CSNK2A2IP: variants seen among roughly 807,000 people sequenced by gnomAD.
CSNK2A2IP encodes the protein casein kinase 2 subunit alpha' interacting protein.
chr3:88,465,503 A>G, the CSNK2A2IP span: 17 of 1,231,760 alleles, frequency 1.4e-5, no homozygotes, highest in Non-Finnish European at 1.7e-5. Context: ...GTGCAATCCC[A>G]TAGCAATCAC....
At chr3:88,417,857 C>T in the CSNK2A2IP span, among the ~76,000 whole-genome samples, 6 of 152,120 alleles carry the variant, frequency 3.9e-5, no homozygotes, top group East Asian at 1.2e-3. Context: ...ACTTGAATTG[C>T]CTGTGACAAT....
the CSNK2A2IP span, among the ~76,000 whole-genome samples, chr3:88,357,349 T>A: frequency 3.3e-5 from 5 of 152,306 alleles, no homozygotes; most frequent in East Asian, 9.7e-4. Flanking sequence ...GCAGTGTATG[T>A]TCTTGGCACT....
the CSNK2A2IP span, chr3:88,467,415 T>A: frequency 2.5e-6 from 1 of 398,708 alleles, no homozygotes; most frequent in Non-Finnish European, 4.4e-6. Flanking sequence ...GGCTTGAGTT[T>A]ATATATAGCA....
the CSNK2A2IP span, among the ~76,000 whole-genome samples, chr3:88,460,675 C>A: frequency 6.6e-6 from 1 of 152,188 alleles, no homozygotes. Flanking sequence ...TCCATGCAAT[C>A]TTCATCCAGA....
At chr3:88,447,053 G>T in the CSNK2A2IP span, among the ~76,000 whole-genome samples, 1 of 152,112 alleles carries the variant, frequency 6.6e-6, no homozygotes, top group Non-Finnish European at 1.5e-5. Context: ...CAGGCATGAT[G>T]AATTATTTTG....
the CSNK2A2IP span, among the ~76,000 whole-genome samples, chr3:88,367,874 T>G: frequency 6.6e-6 from 1 of 152,028 alleles, no homozygotes; most frequent in Non-Finnish European, 1.5e-5. Flanking sequence ...GTTAAGGGGA[T>G]AGTATTTGGT....
At chr3:88,354,558 A>G in the CSNK2A2IP span, among the ~76,000 whole-genome samples, 2 of 152,176 alleles carry the variant, frequency 1.3e-5, no homozygotes, top group Non-Finnish European at 2.9e-5. Flanking sequence ...TATGCATAGT[A>G]CACAGGTGAG....
chr3:88,459,315 A>G, the CSNK2A2IP span, among the ~76,000 whole-genome samples: 1 of 152,138 alleles, frequency 6.6e-6, no homozygotes, highest in Non-Finnish European at 1.5e-5. Flanking sequence ...ATAATTATAT[A>G]TGAAGTATCC....
the CSNK2A2IP span, among the ~76,000 whole-genome samples, chr3:88,364,205 C>G: frequency 6.6e-6 from 1 of 152,132 alleles, no homozygotes; most frequent in Admixed American, 6.5e-5. Flanking sequence ...TGTCTCCCAT[C>G]TCTCGGGGAT....
At chr3:88,343,612 A>G in the CSNK2A2IP span, among the ~76,000 whole-genome samples, 5 of 151,972 alleles carry the variant, frequency 3.3e-5, no homozygotes, top group African/African-American at 1.2e-4. Flanking sequence ...TGATAATAAA[A>G]TATAAATTAT....
the CSNK2A2IP span, among the ~76,000 whole-genome samples, chr3:88,443,687 A>G: frequency 2.0e-5 from 3 of 152,212 alleles, no homozygotes; most frequent in African/African-American, 7.2e-5. Context: ...CAGTGGGTGT[A>G]GACTGCAGGG....
the CSNK2A2IP span, among the ~76,000 whole-genome samples, chr3:88,384,301 TG>T: frequency 4.6e-5 from 7 of 151,500 alleles, no homozygotes; most frequent in African/African-American, 1.7e-4. Context: ...TTTGATTGGG[TG>T]GTAAGGGACT....
the CSNK2A2IP span, among the ~76,000 whole-genome samples, chr3:88,410,068 T>A: frequency 6.6e-6 from 1 of 152,142 alleles, no homozygotes; most frequent in African/African-American, 2.4e-5. Flanking sequence ...ATCAGAAAAC[T>A]CTGAAGTCTT....
chr3:88,406,664 A>T, the CSNK2A2IP span, among the ~76,000 whole-genome samples: 1 of 152,202 alleles, frequency 6.6e-6, no homozygotes. Context: ...ACAACATGAT[A>T]CTAGTGTTTC....
At chr3:88,384,998 C>T in the CSNK2A2IP span, among the ~76,000 whole-genome samples, 1 of 152,056 alleles carries the variant, frequency 6.6e-6, no homozygotes, top group Non-Finnish European at 1.5e-5. Flanking sequence ...CTAAGACATC[C>T]AAGTTGGAGA....
At chr3:88,429,965 G>A in the CSNK2A2IP span, among the ~76,000 whole-genome samples, 1 of 150,290 alleles carries the variant, frequency 6.7e-6, no homozygotes, top group Non-Finnish European at 1.5e-5. Flanking sequence ...GTTTCACCAT[G>A]TTAGTCAGGA....
the CSNK2A2IP span, among the ~76,000 whole-genome samples, chr3:88,347,546 C>A: frequency 0.43 from 64,843 of 151,854 alleles, 15,392 homozygotes; most frequent in South Asian, 0.62. Flanking sequence ...TGATTGTTAG[C>A]ATTTTTTAGC....
the CSNK2A2IP span, among the ~76,000 whole-genome samples, chr3:88,446,342 C>A: frequency 6.6e-6 from 1 of 152,024 alleles, no homozygotes; most frequent in Non-Finnish European, 1.5e-5. Flanking sequence ...CCCACCTCAG[C>A]CTCCCAAAGT....
the CSNK2A2IP span, among the ~76,000 whole-genome samples, chr3:88,420,922 T>C: frequency 6.6e-6 from 1 of 152,190 alleles, no homozygotes; most frequent in African/African-American, 2.4e-5. Context: ...GTCTGAGATA[T>C]AGATTGAAAT....
Sources: gnomAD v4.1 joint callset for allele counts (sites outside exome capture counted in the v4.1 genomes callset) on GRCh38, gnomAD v4.1.1 for gene constraint, MANE v1.5 for transcripts, NCBI Gene and HGNC (gene_info 2026-07-23, HGNC 2026-07-21) for gene names.